Variants in CD36 observed in about 807,000 individuals in gnomAD.
The protein encoded by CD36 is platelet glycoprotein 4.
A neutral mutation model predicts 55.2 loss-of-function variants in CD36; 119 were observed. That is an observed-to-expected ratio of 2.15 (90% CI 1.86 to 2.51). CD36 has a LOEUF of 2.51. CD36 is among the 30% of genes most tolerant of loss of function. The probability of loss-of-function intolerance (pLI) is 0.00; values close to 1 mark genes in which losing one functional copy is unlikely to be tolerated. For synonymous variants in CD36, 186 were observed against 193.6 expected, an observed-to-expected ratio of 0.96 and a Z score of 0.33; for missense variants, 819 against 555.5, an observed-to-expected ratio of 1.47 and a Z score of -4.77.
At chr7:80,660,139 G>A (rs1468591513) in intron 4 of CD36, among the ~76,000 whole-genome samples, 1 of 152,122 alleles carries the variant, frequency 6.6e-6, no homozygotes, top group Non-Finnish European at 1.5e-5. Flanking sequence ...AAATATGACA[G>A]TGCAATTATG....
intron 1 of CD36, chr7:80,624,067 T>C (rs2151916): frequency 0.35 from 52,720 of 152,000 alleles, 9,256 homozygotes; most frequent in South Asian, 0.45. Context: ...CAGCAGTGAT[T>C]TGACCCAGCA....
chr7:80,651,318 C>T (rs1450811622), intron 3 of CD36, among the ~76,000 whole-genome samples: 4 of 151,924 alleles, frequency 2.6e-5, no homozygotes, highest in African/African-American at 2.4e-5. Flanking sequence ...AGAAATAATC[C>T]GTACACCAAA....
In CD36 at chr7:80,676,369, T is replaced by C. The variant is rs1798164988; in HGVS notation, c.*1-15T>C. ...TTCATCATTTCCACAACTGAATTGATTTCCGTTTCTACAGACCTGGCTCAA... is the reference window on the plus strand; with the variant it reads ...TTCATCATTTCCACAACTGAATTGACTTCCGTTTCTACAGACCTGGCTCAA... On this transcript the variant is annotated splice_polypyrimidine_tract_variant and intron_variant, in intron 14 of 14. Coordinates refer to ENST00000447544, the MANE Select transcript of CD36 (RefSeq NM_001001548.3). 6.6e-6 allele frequency: 1 copy of C among 152,212 alleles called. No individual in the cohort carries two copies. The highest frequency in any genetic ancestry group is 2.4e-5 in the African/African-American group (1 of 41,456). 9.4% of individuals were successfully genotyped at this position (152,212 alleles called of 1,614,324 possible). A position where few individuals can be genotyped will look rare whatever the true frequency, so the allele number is the denominator to read the frequency against.
chr7:80,675,268 C>A (rs1237529512), intron 14 of CD36, among the ~76,000 whole-genome samples: 1 of 151,466 alleles, frequency 6.6e-6, no homozygotes, highest in Non-Finnish European at 1.5e-5. Context: ...AGCCTACTGA[C>A]AAATTATGAC....
rs754478799 is a variant in CD36, at chr7:80,646,845, GA to G, written c.107del (p.Lys36ArgfsTer41). 1.5e-5 allele frequency: 25 copies of G among 1,613,808 alleles called. No individual in the cohort carries two copies. Among genetic ancestry groups the G allele is most frequent in the Non-Finnish European group, 1.7e-5 (20 of 1,179,884 alleles). ...LMPVGDLLIQKTIKKQVVLEE... is the reference protein window; with the variant it reads ...LMPVGDLLIQXTIKKQVVLEE... ...TGCCAGTTGGAGACCTGCTTATCCA[GA>G]AGACAATTAAAAAGGTACAAGTAGT... On this transcript the variant is annotated frameshift_variant, in exon 3 of 15. Transcript: ENST00000447544. LOFTEE classifies it high-confidence loss of function.
chr7:80,659,266 CT>C (rs1223755735), intron 4 of CD36, among the ~76,000 whole-genome samples: 16 of 152,168 alleles, frequency 1.1e-4, no homozygotes, highest in Admixed American at 6.5e-4. Flanking sequence ...GAGAATGTCC[CT>C]CCTCAAACAG....
chr7:80,609,061 C>G (rs1792727921), intron 1 of CD36, among the ~76,000 whole-genome samples: 3 of 152,094 alleles, frequency 2.0e-5, no homozygotes, highest in African/African-American at 7.2e-5. Context: ...TCATGCGCTC[C>G]TTCTCTAAAA....
intron 3 of CD36, among the ~76,000 whole-genome samples, chr7:80,655,936 A>AAG (rs1554339585): frequency 8.3e-5 from 11 of 132,454 alleles, no homozygotes; most frequent in African/African-American, 3.0e-4. Context: ...AAAAAAAAAG[A>AAG]AAAGAAAAAG....
Position 80,663,120 on chromosome 7 carries a change from T to C in CD36, c.560T>C (p.Leu187Ser), listed in dbSNP as rs759083137. Residue 187 changes from leucine to serine, a missense_variant, in exon 6 of 15, where the codon TTG (leucine) becomes TCG (serine). By Grantham distance (145) the Leu-to-Ser change is moderately radical. Coordinates refer to ENST00000447544, the MANE Select transcript of CD36 (RefSeq NM_001001548.3). The part of the protein sequence containing the change: ...ELLWGYRDPF[L>S]SLVPYPVTTT... ...TTATGGGGCTATAGGGATCCATTTT[T>C]GAGTTTGGTTCCGTACCCTGTTACT... 1.2e-6 allele frequency: 2 copies of C among 1,613,838 alleles called. No individual in the cohort carries two copies. Among genetic ancestry groups the C allele is most frequent in the East Asian group, 4.5e-5 (2 of 44,788 alleles).
upstream of CD36, among the ~76,000 whole-genome samples, chr7:80,634,132 G>GAGCC (rs1794247761): frequency 6.6e-6 from 1 of 151,970 alleles, no homozygotes; most frequent in African/African-American, 2.4e-5. Flanking sequence ...GTTCTGCCAA[G>GAGCC]TACTAGCTGT....
intron 1 of CD36, among the ~76,000 whole-genome samples, chr7:80,627,716 A>G (rs12706916): frequency 0.33 from 50,478 of 151,880 alleles, 8,660 homozygotes; most frequent in South Asian, 0.45. Flanking sequence ...TTAGTGTTTA[A>G]TCATGCTTTT....
chr7:80,620,829 A>G (rs1425371673), intron 1 of CD36, among the ~76,000 whole-genome samples: 8 of 152,216 alleles, frequency 5.3e-5, no homozygotes, highest in Admixed American at 5.2e-4. Context: ...GTGGACAAAA[A>G]CCAATATATA....
Position 80,673,392 on chromosome 7 carries a change from A to ATTCT in CD36, c.1240_1243dup (p.Trp415SerfsTer4), listed in dbSNP as rs757142781. On this transcript the variant is annotated frameshift_variant, in exon 13 of 15. Transcript: ENST00000447544. LOFTEE classifies it high-confidence loss of function. ...TCTGAAGAGGAACTATATTGTGCCT[A>ATTCT]TTCTTTGGCTTAATGAGGTTTGTAT... 248 of 1,569,974 alleles carry ATTCT rather than the reference A, an allele frequency of 1.6e-4. 12 individuals are homozygous for ATTCT. The South Asian group carries it at 2.6e-3, about 16-fold the overall frequency.
rs1043349832 is a variant in CD36, at chr7:80,646,068, T to C, written c.-183-20T>C. On this transcript the variant is annotated intron_variant, in intron 1 of 14. Transcript: ENST00000447544. The stretch of plus-strand genomic sequence containing the variant: ...CTGAGAATTTTTTTCTATTTACCCA[T>C]GCTTTTCTTATTTTCACAGATAGCT... The C allele has an allele frequency of 5.2e-5, 8 of 152,456 alleles. No individual in the cohort carries two copies. Among genetic ancestry groups the C allele is most frequent in the Non-Finnish European group, 1.2e-4 (8 of 68,250 alleles). 9.4% of individuals were successfully genotyped at this position (152,456 alleles called of 1,614,324 possible).
intron 1 of CD36, among the ~76,000 whole-genome samples, chr7:80,629,859 C>A (rs896571236): frequency 6.7e-6 from 1 of 149,914 alleles, no homozygotes; most frequent in African/African-American, 2.4e-5. Flanking sequence ...AAATCTTATT[C>A]ACCTAGATTG....
intron 1 of CD36, among the ~76,000 whole-genome samples, chr7:80,644,240 A>T (rs1412445683): frequency 6.6e-6 from 1 of 152,168 alleles, no homozygotes; most frequent in Non-Finnish European, 1.5e-5. Context: ...AGCTATTGTT[A>T]CCACTCCACC....
chr7:80,637,908 C>CTT (rs3044686), upstream of CD36, among the ~76,000 whole-genome samples: 4 of 145,016 alleles, frequency 2.8e-5, no homozygotes, highest in East Asian at 8.0e-4. Context: ...CAACATAATG[C>CTT]TTTTTTTTTT....
At chr7:80,656,129 T>G (rs1456175214) in intron 3 of CD36, among the ~76,000 whole-genome samples, 1 of 152,134 alleles carries the variant, frequency 6.6e-6, no homozygotes, top group Non-Finnish European at 1.5e-5. Flanking sequence ...TCAGTTTTTG[T>G]GTTTTGTTTC....
chr7:80,668,081 C>A (rs1328564839), intron 8 of CD36, among the ~76,000 whole-genome samples: 2 of 151,964 alleles, frequency 1.3e-5, no homozygotes, highest in Non-Finnish European at 2.9e-5. Flanking sequence ...TAGGAGTGGG[C>A]AAATAAGCTA....
Sources: gnomAD v4.1 joint callset for allele counts (sites outside exome capture counted in the v4.1 genomes callset) on GRCh38, gnomAD v4.1.1 for gene constraint, MANE v1.5 for transcripts, NCBI Gene and HGNC (gene_info 2026-07-23, HGNC 2026-07-21) for gene names.